CGNL1: variants seen among roughly 807,000 people sequenced by gnomAD.
CGNL1 encodes cingulin-like protein 1.
In CGNL1, 132 loss-of-function variants were observed where a neutral mutation model predicts 141.2. The observed-to-expected ratio is 0.93, with a 90% CI of 0.81 to 1.08. The LOEUF (loss-of-function observed/expected upper bound fraction) is 1.08, where lower values mean the gene tolerates loss of function less well. Ranked by LOEUF, CGNL1 falls within the 50% of genes least tolerant of loss-of-function variation. The probability of loss-of-function intolerance (pLI) is 0.00; values close to 1 mark genes in which losing one functional copy is unlikely to be tolerated. For synonymous variants in CGNL1, 690 were observed against 622.1 expected, an observed-to-expected ratio of 1.11 and a Z score of -1.63; for missense variants, 1,870 against 1,588.6, an observed-to-expected ratio of 1.18 and a Z score of -3.01.
intron 1 of CGNL1, among the ~76,000 whole-genome samples, chr15:57,399,725 C>T (rs797008508): frequency 4.6e-5 from 7 of 152,084 alleles, no homozygotes; most frequent in East Asian, 3.9e-4. Flanking sequence ...GATTGCAGGT[C>T]GAGTGCAGGG....
chr15:57,492,693 C>A (rs1289259980), intron 8 of CGNL1, among the ~76,000 whole-genome samples: 7 of 33,832 alleles, frequency 2.1e-4, no homozygotes, highest in African/African-American at 5.3e-4. Context: ...TTTTGTTGTC[C>A]ATAAGGAAAA....
rs2063331818 is a variant in CGNL1, at chr15:57,452,303, T to A, written c.2054+14T>A. On this transcript the variant is annotated intron_variant, in intron 6 of 18. Coordinates refer to ENST00000281282, the MANE Select transcript of CGNL1 (RefSeq NM_032866.5). ...GAATCTGGAGGAGTAAGTTCTGGGC[T>A]GAGAGCCTGTTGCCCTTCCCAGGTT... 6.2e-7 allele frequency: 1 copy of A among 1,607,180 alleles called. No individual in the cohort carries two copies.
At position 57,544,602 on chromosome 15, in the gene CGNL1, G is replaced by A. The variant is rs1414101507; in HGVS notation, c.3500+5G>A. The A allele has an allele frequency of 1.3e-6, 2 of 1,570,122 alleles. No homozygotes were observed. The highest frequency in any genetic ancestry group is 1.2e-5 in the South Asian group (1 of 85,802). ...CCGCCTGGAGAGTGAGGAGAGGTGA[G>A]CCGGGCCCACCCACTGCAGTGCGGA... On this transcript the variant is annotated splice_donor_5th_base_variant and intron_variant, in intron 16 of 18. Coordinates refer to ENST00000281282, the MANE Select transcript of CGNL1 (RefSeq NM_032866.5).
At chr15:57,440,345 C>T (rs12904504) in intron 2 of CGNL1, 32 bp from the exon 3 acceptor site, 1 of 1,531,000 alleles carries the variant, frequency 6.5e-7, no homozygotes, top group Admixed American at 1.9e-5. Context: ...GAACTTCATC[C>T]TCATGGTCTA....
intron 9 of CGNL1, among the ~76,000 whole-genome samples, 162 bp from the exon 10 acceptor site, chr15:57,518,231 G>T (rs1241931258): frequency 2.0e-5 from 3 of 152,190 alleles, no homozygotes; most frequent in African/African-American, 7.2e-5. Flanking sequence ...ACGCATCCAA[G>T]AACACGGCTG....
intron 1 of CGNL1, among the ~76,000 whole-genome samples, chr15:57,401,449 A>G (rs1262257933): frequency 6.6e-6 from 1 of 152,176 alleles, no homozygotes; most frequent in African/African-American, 2.4e-5. Flanking sequence ...TTGAATTTTT[A>G]AAAAGTTCCC....
At chr15:57,543,600 A>C in intron 14 of CGNL1, 96 bp from the exon 15 acceptor site, 1 of 1,072,956 alleles carries the variant, frequency 9.3e-7, no homozygotes, top group South Asian at 1.3e-5. Context: ...CCCTTCATAA[A>C]GTGGAGGTTG....
intron 1 of CGNL1, among the ~76,000 whole-genome samples, chr15:57,427,458 G>C (rs1157959073): frequency 3.9e-5 from 6 of 152,132 alleles, no homozygotes; most frequent in African/African-American, 1.4e-4. Context: ...TTTGTGAATC[G>C]ATGACGCCCA....
intron 4 of CGNL1, among the ~76,000 whole-genome samples, chr15:57,442,982 A>G (rs1484672572): frequency 6.6e-6 from 1 of 152,256 alleles, no homozygotes; most frequent in Non-Finnish European, 1.5e-5. Context: ...AGACTATAAC[A>G]GGATGATACA....
chr15:57,402,378 C>T (rs191244987), intron 1 of CGNL1, among the ~76,000 whole-genome samples: 1 of 152,352 alleles, frequency 6.6e-6, no homozygotes, highest in East Asian at 1.9e-4. Context: ...CATGCTTGCA[C>T]AGCCTGCAGA....
chr15:57,547,629 T>C lies in CGNL1; in HGVS notation c.*139T>C. On this transcript the variant is annotated 3_prime_UTR_variant, in exon 19 of 19. Transcript: ENST00000281282. ...TGCACAGCATGCCAGCTCCTCAGTG[T>C]TACATTCCTCGCCAGGGTCTCTCAG... The C allele has an allele frequency of 1.0e-6, 1 of 989,862 alleles. No individual in the cohort carries two copies. The highest frequency in any genetic ancestry group is 1.5e-6 in the Non-Finnish European group (1 of 678,378). The allele number at this position is 989,862 out of a possible 1,614,324, so 61.3% of individuals were successfully genotyped here.
At chr15:57,511,771 C>T (rs1159786758) in intron 8 of CGNL1, among the ~76,000 whole-genome samples, 3 of 152,136 alleles carry the variant, frequency 2.0e-5, no homozygotes, top group African/African-American at 7.2e-5. Context: ...GCGGTGTTTT[C>T]AACTTTTTGG....
intron 1 of CGNL1, among the ~76,000 whole-genome samples, chr15:57,383,711 C>T (rs1167122749): frequency 1.3e-5 from 2 of 151,684 alleles, no homozygotes; most frequent in East Asian, 3.9e-4. Context: ...CAGCCTCAAC[C>T]TCCCAGACTC....
chr15:57,491,428 C>A (rs1595760372), intron 8 of CGNL1, among the ~76,000 whole-genome samples: 1 of 152,206 alleles, frequency 6.6e-6, no homozygotes, highest in African/African-American at 2.4e-5. Flanking sequence ...CTGCCACTGG[C>A]ACTGCAGTTA....
chr15:57,436,539 A>G (rs1418764065), intron 1 of CGNL1, among the ~76,000 whole-genome samples: 1 of 151,424 alleles, frequency 6.6e-6, no homozygotes, highest in African/African-American at 2.5e-5. Flanking sequence ...TTAAGCTGCT[A>G]TGTGGGGAGT....
Position 57,526,744 on chromosome 15 carries a change from C to G in CGNL1, c.3040-1910C>G, listed in dbSNP as rs536349638. ...TTCAGGATACATTGTTCACAGACAC[C>G]ATGCTAGTTAATCTCTTCTGCCGGC... On this transcript the variant is annotated intron_variant, in intron 12 of 18. Transcript: ENST00000281282. Among the ~76,000 whole-genome samples the G allele has an allele frequency of 1.3e-4, 20 of 152,204 alleles. No homozygotes were observed. In the South Asian group the frequency reaches 3.7e-3, roughly 28 times the overall value.
At chr15:57,386,823 A>T (rs754342) in intron 1 of CGNL1, among the ~76,000 whole-genome samples, 110,335 of 152,074 alleles carry the variant, frequency 0.73, 40,242 homozygotes, top group African/African-American at 0.79. Flanking sequence ...ATACTATTTG[A>T]TGTTGGCTTG....
intron 1 of CGNL1, among the ~76,000 whole-genome samples, chr15:57,378,773 A>G (rs2062394564): frequency 6.6e-6 from 1 of 152,210 alleles, no homozygotes; most frequent in Admixed American, 6.5e-5. Context: ...TGCTAATGTA[A>G]GTCCAAAGAA....
chr15:57,480,328 G>A (rs905064020), intron 8 of CGNL1, among the ~76,000 whole-genome samples: 10 of 152,062 alleles, frequency 6.6e-5, no homozygotes, highest in African/African-American at 2.4e-4. Flanking sequence ...GACCCGCCTG[G>A]CCAACATAGT....
Sources: allele counts gnomAD v4.1 joint callset (sites outside exome capture counted in the v4.1 genomes callset), GRCh38; gene constraint gnomAD v4.1.1; transcripts MANE v1.5; gene names NCBI Gene and HGNC (gene_info 2026-07-23, HGNC 2026-07-21).